CNTNAP2: variants seen among roughly 807,000 people sequenced by gnomAD.
The protein encoded by CNTNAP2 is contactin associated protein 2, also known as contactin-associated protein-like 2.
A neutral mutation model predicts 155.2 loss-of-function variants in CNTNAP2; 98 were observed. The ratio of observed to expected loss-of-function variants is 0.63; its 90% CI spans 0.54 to 0.75. The LOEUF (loss-of-function observed/expected upper bound fraction) is 0.75, where lower values mean the gene tolerates loss of function less well. CNTNAP2 is among the 30% of genes least tolerant of loss of function. The pLI is 0.00. For synonymous variants in CNTNAP2, 651 were observed against 631.2 expected, an observed-to-expected ratio of 1.03 and a Z score of -0.47; for missense variants, 1,727 against 1,688.1, an observed-to-expected ratio of 1.02 and a Z score of -0.40.
rs776007369 is a variant in CNTNAP2 at position 146,134,208 on chromosome 7, G to C, written c.97+17235G>C. Among the ~76,000 whole-genome samples, 936 of 150,310 alleles carry C rather than the reference G, an allele frequency of 6.2e-3. 16 individuals carry two copies. The East Asian group carries it at 0.077, about 12-fold the overall frequency. The stretch of plus-strand genomic sequence containing the variant: ...ATGGGAGTTCACTCATGATTTGGCT[G>C]TTTGTCTGTTGTTGGTGTATAAGAA... On this transcript the variant is annotated intron_variant, in intron 1 of 23. Transcript: ENST00000361727.
chr7:147,131,974 A>G (rs1801383648), intron 7 of CNTNAP2, among the ~76,000 whole-genome samples: 1 of 152,048 alleles, frequency 6.6e-6, no homozygotes, highest in Non-Finnish European at 1.5e-5. Flanking sequence ...TGGTCAGCCT[A>G]TCACATCAGG....
At chr7:147,676,710 T>A (rs906734298) in intron 13 of CNTNAP2, among the ~76,000 whole-genome samples, 1 of 151,972 alleles carries the variant, frequency 6.6e-6, no homozygotes, top group African/African-American at 2.4e-5. Flanking sequence ...TCTCTACTTA[T>A]ATGAGATCAA....
chr7:147,183,581 T>TGTGTG (rs1563106684), intron 8 of CNTNAP2, among the ~76,000 whole-genome samples: 2 of 145,572 alleles, frequency 1.4e-5, no homozygotes, highest in Non-Finnish European at 1.5e-5. Flanking sequence ...GTGTGTGTGT[T>TGTGTG]TTTCCTTACA....
rs10952713 is a variant in CNTNAP2, at chr7:147,754,012, C to A, written c.2098+114706C>A. Among the ~76,000 whole-genome samples, 5 of 152,066 alleles carry A rather than the reference C, an allele frequency of 3.3e-5. No homozygotes were observed. The South Asian group carries it at 8.3e-4, about 25-fold the overall frequency. On this transcript the variant is annotated intron_variant, in intron 13 of 23. Coordinates refer to ENST00000361727, the MANE Select transcript of CNTNAP2 (RefSeq NM_014141.6). ...TGAAAGCATTGGCAACCCTGCAGCC[C>A]TAAGTACCACTGCAGCCCTCGTTTC...
Position 146,500,240 on chromosome 7 carries a change from G to A in CNTNAP2, c.98-274031G>A, listed in dbSNP as rs568305386. 1.7e-3 allele frequency among the ~76,000 whole-genome samples: 241 copies of A among 141,942 alleles called. 1 individual carries two copies. The highest frequency in any genetic ancestry group is 7.1e-3 in the African/African-American group (233 of 32,988). 93.1% of individuals were successfully genotyped at this position (141,942 alleles called of 152,430 possible). A position where few individuals can be genotyped will look rare whatever the true frequency, so the allele number is the denominator to read the frequency against. ...ATAGGTGTTACCAACACAGGGGTTC[G>A]GGCTAGGTCCTGCATCTTGCAGCAC... On this transcript the variant is annotated intron_variant, in intron 1 of 23. Transcript: ENST00000361727.
At chr7:146,647,491 GT>G (rs1799834758) in intron 1 of CNTNAP2, among the ~76,000 whole-genome samples, 2 of 152,034 alleles carry the variant, frequency 1.3e-5, no homozygotes, top group South Asian at 4.2e-4. Flanking sequence ...TTTCTTGGTT[GT>G]TACTAGGCCA....
chr7:146,870,496 A>G (rs992279815), intron 3 of CNTNAP2, among the ~76,000 whole-genome samples: 11 of 152,136 alleles, frequency 7.2e-5, no homozygotes, highest in Non-Finnish European at 1.5e-4. Context: ...CTAGTAGCAA[A>G]CATTATGAAA....
intron 2 of CNTNAP2, among the ~76,000 whole-genome samples, chr7:146,836,176 T>C (rs1803613519): frequency 6.6e-6 from 1 of 152,214 alleles, no homozygotes; most frequent in East Asian, 1.9e-4. Context: ...ATACACTAGA[T>C]ACTTAAATTT....
chr7:148,366,144 GTA>G lies in CNTNAP2; in HGVS notation c.3476-17503_3476-17502del, dbSNP rs1274191150. Among the ~76,000 whole-genome samples the G allele has an allele frequency of 3.3e-5, 2 of 60,326 alleles. 1 individual carries two copies. Among genetic ancestry groups the G allele is most frequent in the African/African-American group, 1.3e-4 (2 of 15,584 alleles). The allele number at this position is 60,326 out of a possible 152,430, so 39.6% of individuals were successfully genotyped here. A position where few individuals can be genotyped will look rare whatever the true frequency, so the allele number is the denominator to read the frequency against. On this transcript the variant is annotated intron_variant, in intron 21 of 23. Transcript: ENST00000361727. ...TGTGTATGCATGTATGCATGTATGTGTATGCATGTATGCATGTATGTGTGTGC... is the reference window on the plus strand; with the variant it reads ...TGTGTATGCATGTATGCATGTATGTGTGCATGTATGCATGTATGTGTGTGC...
intron 1 of CNTNAP2, among the ~76,000 whole-genome samples, chr7:146,769,263 TGTTA>T (rs1393549070): frequency 6.6e-6 from 1 of 152,232 alleles, no homozygotes; most frequent in Non-Finnish European, 1.5e-5. Flanking sequence ...TTATTTCAAA[TGTTA>T]GTTCTCTTTT....
intron 3 of CNTNAP2, among the ~76,000 whole-genome samples, chr7:146,999,352 A>G (rs1406834964): frequency 6.6e-6 from 1 of 151,268 alleles, no homozygotes; most frequent in Non-Finnish European, 1.5e-5. Context: ...TTTATATTGC[A>G]TATCGATTAA....
intron 8 of CNTNAP2, among the ~76,000 whole-genome samples, chr7:147,272,284 C>T (rs181850151): frequency 2.3e-4 from 35 of 152,270 alleles, no homozygotes; most frequent in Admixed American, 1.0e-3. Flanking sequence ...ACCTTCCTTC[C>T]CGACTCCCTT....
intron 18 of CNTNAP2, among the ~76,000 whole-genome samples, chr7:148,212,323 A>T (rs999030064): frequency 4.6e-5 from 7 of 152,218 alleles, no homozygotes; most frequent in Non-Finnish European, 1.0e-4. Flanking sequence ...AATAGTTAAG[A>T]CAAGGTTATT....
At chr7:146,748,143 C>CTTTTCTTTTTTTT (rs60181692) in intron 1 of CNTNAP2, among the ~76,000 whole-genome samples, 19 of 97,996 alleles carry the variant, frequency 1.9e-4, no homozygotes, top group South Asian at 1.6e-3. Flanking sequence ...CTTTTCTTTT[C>CTTTTCTTTTTTTT]TTTTTTTTTT....
At chr7:147,650,838 T>G (rs1448452177) in intron 13 of CNTNAP2, among the ~76,000 whole-genome samples, 1 of 152,138 alleles carries the variant, frequency 6.6e-6, no homozygotes, top group Non-Finnish European at 1.5e-5. Context: ...GAAATTTTTT[T>G]TATGATGACA....
intron 7 of CNTNAP2, among the ~76,000 whole-genome samples, chr7:147,131,041 C>T (rs199587361): frequency 1.5e-5 from 1 of 67,720 alleles, no homozygotes; most frequent in East Asian, 6.3e-4. Context: ...TATATATATA[C>T]ACATATATAT....
chr7:146,678,047 A>T (rs344457), intron 1 of CNTNAP2, among the ~76,000 whole-genome samples: 3 of 151,872 alleles, frequency 2.0e-5, no homozygotes, highest in South Asian at 2.1e-4. Context: ...ATTTATACAC[A>T]TATAAATGGC....
chr7:147,402,968 A>T (rs1796943511), intron 10 of CNTNAP2, among the ~76,000 whole-genome samples: 1 of 91,726 alleles, frequency 1.1e-5, no homozygotes, highest in Non-Finnish European at 2.7e-5. Context: ...AAAAAAAAAA[A>T]AAACTAGTTT....
intron 1 of CNTNAP2, among the ~76,000 whole-genome samples, chr7:146,367,687 C>T (rs988523277): frequency 6.6e-6 from 1 of 152,020 alleles, no homozygotes; most frequent in African/African-American, 2.4e-5. Context: ...AACTCAATTG[C>T]CTTTTTGCCT....
Sources: allele counts gnomAD v4.1 joint callset (sites outside exome capture counted in the v4.1 genomes callset), GRCh38; gene constraint gnomAD v4.1.1; transcripts MANE v1.5; gene names NCBI Gene and HGNC (gene_info 2026-07-23, HGNC 2026-07-21).